CPN1: variants seen among roughly 807,000 people sequenced by gnomAD.
CPN1 encodes carboxypeptidase N subunit 1.
A neutral mutation model predicts 46.4 loss-of-function variants in CPN1; 37 were observed. The observed-to-expected ratio is 0.80, with a 90% confidence interval of 0.61 to 1.05. CPN1 has a LOEUF of 1.05. Among genes scored for constraint, CPN1 ranks in the 50% least tolerant of loss-of-function variants. The pLI is 0.00. For synonymous variants in CPN1, 224 were observed against 235.4 expected (o/e 0.95, Z 0.44); for missense variants, 563 against 602.6 (o/e 0.93, Z 0.69).
rs983237805 is a variant in CPN1 at position 100,061,335 on chromosome 10, T to C, written c.871+2279A>G. Among the ~76,000 whole-genome samples the C allele has an allele frequency of 3.9e-5, 6 of 152,192 alleles. No homozygotes were observed. In the East Asian group the frequency reaches 1.2e-3, roughly 29 times the overall value. ...GTATTAAAATATCACATATACCCCA[T>C]AAATATATACACTTCGTATGTATCC... On this transcript the variant is annotated intron_variant, in intron 5 of 8. Transcript: ENST00000370418.
chr10:100,079,498 G>A (rs1460630896), intron 1 of CPN1, among the ~76,000 whole-genome samples: 5 of 152,254 alleles, frequency 3.3e-5, no homozygotes, highest in African/African-American at 9.6e-5. Context: ...GGGGCTTGGA[G>A]TGTTGGGGGG....
chr10:100,061,548 A>C (rs2041418201), intron 5 of CPN1, among the ~76,000 whole-genome samples: 1 of 152,222 alleles, frequency 6.6e-6, no homozygotes, highest in African/African-American at 2.4e-5. Flanking sequence ...GTAAGTTCCC[A>C]GCTCATGCTG....
intron 6 of CPN1, among the ~76,000 whole-genome samples, chr10:100,055,673 C>A (rs7090607): frequency 1.3e-5 from 2 of 151,984 alleles, no homozygotes; most frequent in African/African-American, 4.8e-5. Context: ...TACAGGCATG[C>A]GCCACCACAC....
At chr10:100,065,047 G>T in intron 4 of CPN1, 141 bp downstream of exon 4, 1 of 945,084 alleles carries the variant, frequency 1.1e-6, no homozygotes, top group Non-Finnish European at 1.6e-6. Flanking sequence ...TCATTTACTA[G>T]ACTGTAAGCT....
At chr10:100,054,538 G>C (rs2133430568) in intron 6 of CPN1, 92 bp from the exon 7 acceptor site, 1 of 1,034,354 alleles carries the variant, frequency 9.7e-7, no homozygotes, top group South Asian at 1.3e-5. Flanking sequence ...TTATGTTTTT[G>C]TATTTTATCT....
intron 1 of CPN1, among the ~76,000 whole-genome samples, chr10:100,078,385 T>C (rs2041527073): frequency 6.6e-6 from 1 of 152,172 alleles, no homozygotes; most frequent in Non-Finnish European, 1.5e-5. Flanking sequence ...CTCATAACAA[T>C]CACTGCTACC....
chr10:100,062,766 C>CTT (rs34889268), intron 5 of CPN1, among the ~76,000 whole-genome samples: 1 of 140,848 alleles, frequency 7.1e-6, no homozygotes, highest in Non-Finnish European at 1.5e-5. Context: ...CCTAATTTTT[C>CTT]TTTTTTTTTT....
rs190755484 is a variant in CPN1, at chr10:100,076,334, G to C, written c.224-227C>G. ...GTGCCATGTATTGAACCCCCATAGT[G>C]TACTAGACAGTTATGTTCAATACTG... On this transcript the variant is annotated intron_variant, in intron 1 of 8. Transcript: ENST00000370418. Among the ~76,000 whole-genome samples the C allele has an allele frequency of 2.8e-4, 43 of 152,274 alleles. No individual in the cohort carries two copies. The East Asian group carries it at 7.9e-3, about 28-fold the overall frequency.
chr10:100,056,981 G>A, intron 6 of CPN1, 32 bp downstream of exon 6: 1 of 1,613,720 alleles, frequency 6.2e-7, no homozygotes, highest in Non-Finnish European at 8.5e-7. Flanking sequence ...TTCTCTTTTT[G>A]CAAACATGAG....
intron 5 of CPN1, among the ~76,000 whole-genome samples, chr10:100,059,564 A>G (rs1402459483): frequency 6.7e-6 from 1 of 148,228 alleles, no homozygotes; most frequent in East Asian, 1.9e-4. Flanking sequence ...GTGAGATATT[A>G]CCTTGAACTT....
chr10:100,059,804 C>T (rs1024411193), intron 5 of CPN1, among the ~76,000 whole-genome samples: 3 of 152,210 alleles, frequency 2.0e-5, no homozygotes, highest in Middle Eastern at 3.4e-3. Flanking sequence ...GTTTGTAGCA[C>T]CATTATTCAC....
rs937047849 is a variant in CPN1 at position 100,042,360 on chromosome 10, A to C, written c.*67T>G. On this transcript the variant is annotated 3_prime_UTR_variant, in exon 9 of 9. Coordinates refer to ENST00000370418, the MANE Select transcript of CPN1 (RefSeq NM_001308.3). ...ATATGTCCCAGATAATAAAATAGAA[A>C]GAATGCTTGATCTGATCTGAGAGCA... 6.3e-7 allele frequency: 1 copy of C among 1,590,634 alleles called. No individual in the cohort carries two copies. The highest frequency in any genetic ancestry group is 1.7e-5 in the Admixed American group (1 of 59,936).
Position 100,065,377 on chromosome 10 carries a change from GGAGGC to G in CPN1, c.577-12_577-8del. The G allele has an allele frequency of 6.2e-7, 1 of 1,614,130 alleles. No individual in the cohort carries two copies. Among genetic ancestry groups the G allele is most frequent in the African/African-American group, 1.3e-5 (1 of 75,050 alleles). On this transcript the variant is annotated splice_region_variant and splice_polypyrimidine_tract_variant and intron_variant, in intron 3 of 8. Coordinates refer to ENST00000370418, the MANE Select transcript of CPN1 (RefSeq NM_001308.3). ...CCCGGGTCTCGGGTTCCACCTGGGAGGAGGCGAGAGGTTGGCGGTGAAGGGCCAAC... is the reference window on the plus strand; with the variant it reads ...CCCGGGTCTCGGGTTCCACCTGGGAGGAGAGGTTGGCGGTGAAGGGCCAAC...
chr10:100,046,093 C>T (rs2041309452), intron 8 of CPN1, among the ~76,000 whole-genome samples: 1 of 152,160 alleles, frequency 6.6e-6, no homozygotes, highest in African/African-American at 2.4e-5. Flanking sequence ...TTCTTTGCTT[C>T]TCATCCTATC....
intron 8 of CPN1, among the ~76,000 whole-genome samples, chr10:100,046,776 A>C (rs1403431075): frequency 6.6e-6 from 1 of 150,504 alleles, no homozygotes; most frequent in Non-Finnish European, 1.5e-5. Flanking sequence ...TAGTCTCAAA[A>C]AATAAAAATA....
chr10:100,061,673 C>T (rs1025898223), intron 5 of CPN1, among the ~76,000 whole-genome samples: 7 of 152,006 alleles, frequency 4.6e-5, no homozygotes, highest in Admixed American at 6.5e-5. Context: ...ATGGGCCTTG[C>T]TCTCTCAGAG....
At chr10:100,054,919 A>G (rs1344703279) in intron 6 of CPN1, among the ~76,000 whole-genome samples, 1 of 147,212 alleles carries the variant, frequency 6.8e-6, no homozygotes, top group Non-Finnish European at 1.5e-5. Context: ...AAAATTTACC[A>G]TTTTAAGTGT....
intron 1 of CPN1, 78 bp from the exon 2 acceptor site, chr10:100,076,185 T>C (rs2041514207): frequency 7.2e-7 from 1 of 1,384,792 alleles, no homozygotes; most frequent in South Asian, 1.2e-5. Context: ...TTTTTTCTCT[T>C]TTTCAGTAAC....
intron 2 of CPN1, 51 bp downstream of exon 2, chr10:100,075,860 T>C (rs759780238): frequency 2.0e-5 from 31 of 1,582,310 alleles, no homozygotes; most frequent in Middle Eastern, 2.1e-4. Context: ...CTGGACTTTA[T>C]TTCCTAAGAA....
Sources: allele counts gnomAD v4.1 joint callset (sites outside exome capture counted in the v4.1 genomes callset), GRCh38; gene constraint gnomAD v4.1.1; transcripts MANE v1.5; gene names NCBI Gene and HGNC (gene_info 2026-07-23, HGNC 2026-07-21).